CADPS2: variants seen among roughly 807,000 people sequenced by gnomAD.
The protein encoded by CADPS2 is calcium dependent secretion activator 2.
In CADPS2, 93 loss-of-function variants were observed where a neutral mutation model predicts 172.5. The observed-to-expected ratio is 0.54, with a 90% CI of 0.46 to 0.64. The LOEUF (loss-of-function observed/expected upper bound fraction) is 0.64. Among genes scored for constraint, CADPS2 ranks in the 30% least tolerant of loss-of-function variants. The pLI is 0.00. For missense variants in CADPS2, 1,420 were observed against 1,565.9 expected (o/e 0.91, Z 1.57); for synonymous variants, 546 against 555.2 (o/e 0.98, Z 0.23).
intron 2 of CADPS2, among the ~76,000 whole-genome samples, chr7:122,722,085 A>T (rs2090485034): frequency 6.6e-6 from 1 of 152,266 alleles, no homozygotes; most frequent in South Asian, 2.1e-4. Flanking sequence ...AGCCAATATC[A>T]TACTGAATGG....
At chr7:122,385,661 G>C (rs908195887) in intron 24 of CADPS2, among the ~76,000 whole-genome samples, 1 of 151,948 alleles carries the variant, frequency 6.6e-6, no homozygotes, top group East Asian at 1.9e-4. Flanking sequence ...ATTTTAGGAC[G>C]AACTGTTGTG....
At chr7:122,863,477 C>T (rs1585007720) in intron 1 of CADPS2, among the ~76,000 whole-genome samples, 2 of 152,054 alleles carry the variant, frequency 1.3e-5, no homozygotes, top group African/African-American at 4.8e-5. Flanking sequence ...AATTCAAAAA[C>T]ACCCCCACAA....
intron 2 of CADPS2, among the ~76,000 whole-genome samples, chr7:122,670,922 T>C (rs2081768725): frequency 6.6e-6 from 1 of 151,544 alleles, no homozygotes; most frequent in Non-Finnish European, 1.5e-5. Flanking sequence ...TCACAAGTTA[T>C]TCTTCCTTGC....
At chr7:122,320,699 G>A (rs1045644249) in intron 29 of CADPS2, among the ~76,000 whole-genome samples, 1 of 152,060 alleles carries the variant, frequency 6.6e-6, no homozygotes, top group Non-Finnish European at 1.5e-5. Flanking sequence ...TTTTTTAATT[G>A]AGGGGGCTTT....
chr7:122,328,975 C>G (rs1365635251), intron 28 of CADPS2, among the ~76,000 whole-genome samples: 4 of 152,106 alleles, frequency 2.6e-5, no homozygotes, highest in Non-Finnish European at 4.4e-5. Flanking sequence ...AAGCAACAAG[C>G]TGAAGGGCTC....
chr7:122,489,427 C>T (rs2058098512), intron 11 of CADPS2, among the ~76,000 whole-genome samples: 1 of 152,058 alleles, frequency 6.6e-6, no homozygotes, highest in African/African-American at 2.4e-5. Flanking sequence ...TAAAGGAGTA[C>T]AACAAGTTAA....
At position 122,866,235 on chromosome 7, in the gene CADPS2, T is replaced by C. The variant is rs544770158; in HGVS notation, c.339+19764A>G. Among the ~76,000 whole-genome samples the C allele has an allele frequency of 2.6e-5, 4 of 152,360 alleles. No homozygotes were observed. The South Asian group carries it at 8.3e-4, about 32-fold the overall frequency. ...ACTGCATTTATAAACTTAAATAATA[T>C]TGAGTAAATACTTTCAGGCTATATT... On this transcript the variant is annotated intron_variant, in intron 1 of 29. Transcript: ENST00000449022.
chr7:122,712,007 T>C (rs1461431189), intron 2 of CADPS2, among the ~76,000 whole-genome samples: 1 of 152,108 alleles, frequency 6.6e-6, no homozygotes, highest in African/African-American at 2.4e-5. Flanking sequence ...ACATACAGCA[T>C]ACATGTACAT....
intron 3 of CADPS2, among the ~76,000 whole-genome samples, chr7:122,645,389 G>GTATATATGTACATATACACATATGTACA (rs764984768): frequency 6.1e-5 from 4 of 65,886 alleles, no homozygotes; most frequent in African/African-American, 1.7e-4. Context: ...ATGTACATGT[G>GTATATATGTACATATACACATATGTACA]TGTGTATATA....
chr7:122,866,317 A>G lies in CADPS2; in HGVS notation c.339+19682T>C, dbSNP rs183760577. 7.2e-4 allele frequency among the ~76,000 whole-genome samples: 109 copies of G among 152,266 alleles called. 1 individual carries two copies. In the East Asian group the frequency reaches 0.015, roughly 21 times the overall value. ...AACTTTAACCATTGCTATAGTCTCC[A>G]AATTGGTCTTTCTTCTTCTACTCTT... On this transcript the variant is annotated intron_variant, in intron 1 of 29. Coordinates refer to ENST00000449022, the MANE Select transcript of CADPS2 (RefSeq NM_017954.11).
chr7:122,592,698 G>A (rs1315271359), intron 6 of CADPS2, among the ~76,000 whole-genome samples: 1 of 152,066 alleles, frequency 6.6e-6, no homozygotes, highest in African/African-American at 2.4e-5. Context: ...GGACATGGAT[G>A]AAGGTGGAAA....
chr7:122,647,865 T>C (rs2471192), intron 3 of CADPS2, among the ~76,000 whole-genome samples: 605 of 152,306 alleles, frequency 4.0e-3, no homozygotes, highest in African/African-American at 0.014. Flanking sequence ...TTAAAATAAA[T>C]GATTCAATGT....
intron 1 of CADPS2, among the ~76,000 whole-genome samples, chr7:122,851,692 C>T (rs1281068783): frequency 6.6e-6 from 1 of 152,104 alleles, no homozygotes; most frequent in Admixed American, 6.6e-5. Context: ...TATATGGCAA[C>T]AGTCAAGAGA....
chr7:122,562,708 T>A (rs1298563938), intron 7 of CADPS2, among the ~76,000 whole-genome samples: 3 of 152,306 alleles, frequency 2.0e-5, no homozygotes, highest in African/African-American at 7.2e-5. Context: ...AGTGTGTGAT[T>A]TAAAGATATT....
At chr7:122,664,942 T>C (rs2081026558) in intron 2 of CADPS2, among the ~76,000 whole-genome samples, 1 of 148,360 alleles carries the variant, frequency 6.7e-6, no homozygotes, top group South Asian at 2.2e-4. Context: ...CACACCATCA[T>C]GCCTGGGCTA....
chr7:122,355,127 G>A (rs755136764), intron 27 of CADPS2, among the ~76,000 whole-genome samples: 7 of 151,954 alleles, frequency 4.6e-5, no homozygotes, highest in Non-Finnish European at 1.0e-4. Context: ...GTTTGATTTG[G>A]GTCATTTTCT....
intron 5 of CADPS2, among the ~76,000 whole-genome samples, chr7:122,619,648 T>C (rs923817580): frequency 6.6e-6 from 1 of 151,868 alleles, no homozygotes; most frequent in South Asian, 2.1e-4. Flanking sequence ...ATAAATAAGA[T>C]AAACTCTTGT....
intron 2 of CADPS2, among the ~76,000 whole-genome samples, chr7:122,722,861 T>C (rs957362669): frequency 1.3e-5 from 2 of 151,654 alleles, no homozygotes; most frequent in Non-Finnish European, 2.9e-5. Context: ...AATAGAGCCC[T>C]CAGAAATAAT....
At chr7:122,539,913 T>C (rs2062747564) in intron 8 of CADPS2, among the ~76,000 whole-genome samples, 1 of 152,094 alleles carries the variant, frequency 6.6e-6, no homozygotes, top group South Asian at 2.1e-4. Context: ...TCCATTTTCC[T>C]AATGTGTCCT....
Sources: allele counts gnomAD v4.1 joint callset (sites outside exome capture counted in the v4.1 genomes callset), GRCh38; gene constraint gnomAD v4.1.1; transcripts MANE v1.5; gene names NCBI Gene and HGNC (gene_info 2026-07-23, HGNC 2026-07-21).